Variants in ZNF385D observed in about 807,000 individuals in gnomAD.
The protein encoded by ZNF385D is zinc finger protein 659.
A neutral mutation model predicts 35.8 loss-of-function variants in ZNF385D; 15 were observed. That is an observed-to-expected ratio of 0.42 (90% CI 0.28 to 0.64). ZNF385D has a LOEUF of 0.64. Ranked by LOEUF, ZNF385D falls within the 30% of genes least tolerant of loss-of-function variation. The probability of loss-of-function intolerance (pLI) is 0.23; values close to 1 mark genes in which losing one functional copy is unlikely to be tolerated. For synonymous variants in ZNF385D, 212 were observed against 186.8 expected (o/e 1.13, Z -1.10); for missense variants, 474 against 494.6 (o/e 0.96, Z 0.39).
chr3:22,216,569 G>T (rs1324892619), intron 2 of ZNF385D, among the ~76,000 whole-genome samples: 1 of 152,076 alleles, frequency 6.6e-6, no homozygotes, highest in African/African-American at 2.4e-5. Flanking sequence ...GGAAAACGTG[G>T]AGAAGAAGCA....
rs1251255597 is a variant in ZNF385D at position 22,095,108 on chromosome 3, A to G, written c.325+73709T>C. ...TCTTTCTTTTTTTTTTTTTTTTTGT[A>G]GAGATGGGGGGTCTCAGTATGTTGT... is the stretch of plus-strand genomic sequence containing the variant. On this transcript the variant is annotated intron_variant, in intron 3 of 5. Coordinates refer to the ZNF385D transcript ENST00000494108. Among the ~76,000 whole-genome samples, 202 of 22,190 alleles carry G rather than the reference A, an allele frequency of 9.1e-3. 2 individuals carry two copies. The highest frequency in any genetic ancestry group is 0.045 in the African/African-American group (191 of 4,200). The allele number at this position is 22,190 out of a possible 152,430, so 14.6% of individuals were successfully genotyped here.
At chr3:21,840,520 A>G (rs1343054963) in intron 3 of ZNF385D, among the ~76,000 whole-genome samples, 2 of 151,938 alleles carry the variant, frequency 1.3e-5, no homozygotes, top group Non-Finnish European at 2.9e-5. Flanking sequence ...GGTATGCCCA[A>G]TACTAAAGAT....
Position 21,809,659 on chromosome 3 carries a change from TATATACAC to T in ZNF385D, c.326-144639_326-144632del, listed in dbSNP as rs1426749849. Among the ~76,000 whole-genome samples the T allele has an allele frequency of 4.7e-5, 5 of 106,754 alleles. No individual in the cohort carries two copies. In the East Asian group the frequency reaches 6.8e-4, roughly 14 times the overall value. The allele number at this position is 106,754 out of a possible 152,430, so 70.0% of individuals were successfully genotyped here. On this transcript the variant is annotated intron_variant, in intron 3 of 5. Transcript: ENST00000494108. ...ATACACATATACATATACATATACATATATACACATATATACACACATATATACCTATA... is the reference window on the plus strand; with the variant it reads ...ATACACATATACATATACATATACATATATATACACACATATATACCTATA...
chr3:22,240,986 C>A (rs1435460647), intron 2 of ZNF385D, among the ~76,000 whole-genome samples: 1 of 151,042 alleles, frequency 6.6e-6, no homozygotes, highest in Non-Finnish European at 1.5e-5. Flanking sequence ...ACTATGAATG[C>A]CTTCCACAAT....
intron 2 of ZNF385D, among the ~76,000 whole-genome samples, chr3:22,284,839 A>T (rs1701944485): frequency 6.6e-6 from 1 of 152,178 alleles, no homozygotes; most frequent in South Asian, 2.1e-4. Flanking sequence ...CTAAAAAAGA[A>T]AATCCTTTCT....
chr3:21,810,130 C>T (rs977723271), intron 3 of ZNF385D, among the ~76,000 whole-genome samples: 4 of 151,640 alleles, frequency 2.6e-5, no homozygotes, highest in Non-Finnish European at 4.4e-5. Flanking sequence ...AAAACTGACA[C>T]ACAAATAATC....
At chr3:21,824,358 G>A (rs1425374485) in intron 3 of ZNF385D, among the ~76,000 whole-genome samples, 1 of 152,122 alleles carries the variant, frequency 6.6e-6, no homozygotes, top group East Asian at 1.9e-4. Context: ...CCATATACAT[G>A]AATACAACTG....
chr3:22,034,923 T>A (rs1576196681), intron 3 of ZNF385D, among the ~76,000 whole-genome samples: 1 of 152,178 alleles, frequency 6.6e-6, no homozygotes, highest in Non-Finnish European at 1.5e-5. Context: ...TACAGAATAA[T>A]AGTATTTCAT....
At chr3:22,094,951 G>C (rs553000940) in intron 3 of ZNF385D, among the ~76,000 whole-genome samples, 1 of 151,876 alleles carries the variant, frequency 6.6e-6, no homozygotes. Flanking sequence ...TGTTACCCAA[G>C]GTGGAGTATA....
intron 2 of ZNF385D, among the ~76,000 whole-genome samples, chr3:22,216,648 G>C (rs1312381668): frequency 6.6e-6 from 1 of 152,136 alleles, no homozygotes; most frequent in Non-Finnish European, 1.5e-5. Context: ...AGAGTAGATT[G>C]AGCTGTGTCA....
chr3:21,589,538 A>G (rs187679357), intron 2 of ZNF385D, among the ~76,000 whole-genome samples: 1 of 152,186 alleles, frequency 6.6e-6, no homozygotes, highest in Admixed American at 6.5e-5. Flanking sequence ...CATAAGACAA[A>G]AAAAGCTTGC....
intron 3 of ZNF385D, among the ~76,000 whole-genome samples, chr3:22,069,380 G>T (rs1201347095): frequency 1.3e-5 from 2 of 152,152 alleles, no homozygotes; most frequent in African/African-American, 4.8e-5. Context: ...ATGCTTTTTG[G>T]GTAGGCACTA....
chr3:21,960,711 TAAAGA>T (rs1360304776), intron 3 of ZNF385D, among the ~76,000 whole-genome samples: 2 of 151,974 alleles, frequency 1.3e-5, no homozygotes, highest in African/African-American at 4.8e-5. Context: ...GATAAATGGA[TAAAGA>T]AAATATGATA....
chr3:21,550,838 A>C (rs1181465115), intron 3 of ZNF385D, among the ~76,000 whole-genome samples: 1 of 152,186 alleles, frequency 6.6e-6, no homozygotes, highest in Admixed American at 6.5e-5. Context: ...AATGATACCA[A>C]TGATCTACTT....
intron 2 of ZNF385D, among the ~76,000 whole-genome samples, chr3:21,664,681 C>A (rs1192722022): frequency 2.0e-5 from 3 of 152,114 alleles, no homozygotes; most frequent in African/African-American, 7.2e-5. Context: ...CGAATCGGAT[C>A]GAATCTCTTT....
chr3:21,536,314 T>C (rs2062034922), intron 3 of ZNF385D, among the ~76,000 whole-genome samples: 1 of 152,076 alleles, frequency 6.6e-6, no homozygotes, highest in African/African-American at 2.4e-5. Flanking sequence ...AGTATTATGA[T>C]GTCAGAAAAT....
chr3:22,041,759 C>A (rs1183929687), intron 3 of ZNF385D, among the ~76,000 whole-genome samples: 1 of 151,818 alleles, frequency 6.6e-6, no homozygotes, highest in Admixed American at 6.6e-5. Context: ...TACTGAAGAG[C>A]TGGTGTCTAT....
intron 2 of ZNF385D, among the ~76,000 whole-genome samples, chr3:22,202,723 G>A (rs931417944): frequency 3.4e-4 from 51 of 152,100 alleles, no homozygotes; most frequent in Non-Finnish European, 2.9e-5. Flanking sequence ...TGCAGGATAT[G>A]GACAGAGAAT....
chr3:22,008,962 G>A (rs1053651417), intron 3 of ZNF385D, among the ~76,000 whole-genome samples: 1 of 151,032 alleles, frequency 6.6e-6, no homozygotes, highest in African/African-American at 2.4e-5. Flanking sequence ...AAAAGAATAT[G>A]GAAGGAAGAA....
Sources: gnomAD v4.1 joint callset for allele counts (sites outside exome capture counted in the v4.1 genomes callset) on GRCh38, gnomAD v4.1.1 for gene constraint, MANE v1.5 for transcripts, NCBI Gene and HGNC (gene_info 2026-07-23, HGNC 2026-07-21) for gene names.